Variants in RUNDC3B observed in about 807,000 individuals in gnomAD.
The protein encoded by RUNDC3B is RUN domain-containing protein 3B.
RUNDC3B carries 33 observed loss-of-function variants against 58.4 expected under a neutral mutation model. The observed-to-expected ratio is 0.56, with a 90% CI of 0.43 to 0.75. RUNDC3B has a LOEUF of 0.75. Among genes scored for constraint, RUNDC3B ranks in the 30% least tolerant of loss-of-function variants. The pLI is 0.00. For synonymous variants in RUNDC3B, 193 were observed against 195.2 expected, an observed-to-expected ratio of 0.99 and a Z score of 0.10; for missense variants, 501 against 535.7, an observed-to-expected ratio of 0.94 and a Z score of 0.64.
rs201089691 is a variant in RUNDC3B, at chr7:87,770,793, T to C, written c.798+44T>C. ...AACGTACTTAATTTTATTCTAGTTA[T>C]TGCCTTTGAACTGTGACTGCCAAAA... On this transcript the variant is annotated intron_variant, in intron 7 of 10. Transcript: ENST00000394654. 2.1e-5 allele frequency: 29 copies of C among 1,414,346 alleles called. No individual in the cohort carries two copies. In the East Asian group the frequency reaches 6.7e-4, roughly 32 times the overall value. The allele number at this position is 1,414,346 out of a possible 1,614,324, so 87.6% of individuals were successfully genotyped here. A position where few individuals can be genotyped will look rare whatever the true frequency, so the allele number is the denominator to read the frequency against.
intron 2 of RUNDC3B, among the ~76,000 whole-genome samples, chr7:87,683,283 T>C (rs1387609418): frequency 6.6e-6 from 1 of 152,232 alleles, no homozygotes; most frequent in Non-Finnish European, 1.5e-5. Context: ...TAAGGCTCTT[T>C]CACTTCCTTC....
At position 87,717,618 on chromosome 7, in the gene RUNDC3B, C is replaced by T. The variant is rs1472174436; in HGVS notation, c.458+6963C>T. 2.6e-5 allele frequency among the ~76,000 whole-genome samples: 4 copies of T among 151,776 alleles called. No homozygotes were observed. The East Asian group carries it at 5.8e-4, about 22-fold the overall frequency. On this transcript the variant is annotated intron_variant, in intron 4 of 10. Coordinates refer to ENST00000394654, the MANE Select transcript of RUNDC3B (RefSeq NM_001134405.2). ...AATTTCCTACAGAAATATAATTTGC[C>T]CAAATAGGCCCTACTATATGTAAAA...
At position 87,650,929 on chromosome 7, in the gene RUNDC3B, G is replaced by A. The variant is rs778523577; in HGVS notation, c.230G>A (p.Arg77Gln). The change falls in exon 2 of 11, where the codon CGG becomes CAG. Residue 77 changes from arginine (R) to glutamine (Q), a missense_variant. By Grantham distance (43) the Arg-to-Gln change is conservative (BLOSUM62 1). Transcript: ENST00000394654. ...AAILEQILSH[R>Q]LKGQVTWFGY... Reference sequence around the variant, plus strand: ...ATTTTGGAACAGATTTTAAGCCACCGGCTAAAAGGTAAAAGCACTAATGTA... The same window carrying A: ...ATTTTGGAACAGATTTTAAGCCACCAGCTAAAAGGTAAAAGCACTAATGTA... 3.7e-5 allele frequency: 59 copies of A among 1,588,128 alleles called. No individual in the cohort carries two copies. The highest frequency in any genetic ancestry group is 4.8e-5 in the Non-Finnish European group (55 of 1,157,168).
In RUNDC3B at chr7:87,773,309, C is replaced by T. The variant is rs6976428; in HGVS notation, c.798+2560C>T. ...CTGCACTCCAGCCTGGGCAACAGAG[C>T]GAGACTCCGTCTCAAAAAAAAAAAA... On this transcript the variant is annotated intron_variant, in intron 7 of 10. Transcript: ENST00000394654. Among the ~76,000 whole-genome samples, 910 of 128,752 alleles carry T rather than the reference C, an allele frequency of 7.1e-3. 3 individuals are homozygous for T. Among genetic ancestry groups the T allele is most frequent in the South Asian group, 0.015 (63 of 4,236 alleles). 84.5% of individuals were successfully genotyped at this position (128,752 alleles called of 152,430 possible).
chr7:87,812,475 G>A (rs1341256510), intron 9 of RUNDC3B, among the ~76,000 whole-genome samples: 9 of 152,140 alleles, frequency 5.9e-5, no homozygotes, highest in Non-Finnish European at 1.3e-4. Flanking sequence ...CAGGCATGGT[G>A]GCTGACACCT....
chr7:87,722,129 G>C (rs961109362), intron 4 of RUNDC3B, among the ~76,000 whole-genome samples: 8 of 149,964 alleles, frequency 5.3e-5, no homozygotes, highest in Non-Finnish European at 1.0e-4. Flanking sequence ...TTGATGTTTT[G>C]ATATATATTC....
At chr7:87,812,199 A>G (rs903142099) in intron 9 of RUNDC3B, among the ~76,000 whole-genome samples, 14 of 152,214 alleles carry the variant, frequency 9.2e-5, no homozygotes, top group African/African-American at 3.4e-4. Context: ...TTGATATCCA[A>G]TCTCATGTAT....
At chr7:87,804,599 A>C (rs1022854950) in intron 8 of RUNDC3B, among the ~76,000 whole-genome samples, 2 of 152,202 alleles carry the variant, frequency 1.3e-5, no homozygotes, top group African/African-American at 2.4e-5. Flanking sequence ...TGCTACTTTC[A>C]TAATAAATTA....
intron 2 of RUNDC3B, among the ~76,000 whole-genome samples, chr7:87,689,551 A>C (rs1054059215): frequency 6.6e-5 from 10 of 152,310 alleles, no homozygotes; most frequent in Admixed American, 6.5e-4. Context: ...ATTACTAATT[A>C]GCTAATTATT....
At chr7:87,683,630 G>T (rs1181056361) in intron 2 of RUNDC3B, among the ~76,000 whole-genome samples, 1 of 152,148 alleles carries the variant, frequency 6.6e-6, no homozygotes, top group Non-Finnish European at 1.5e-5. Flanking sequence ...TTTTATACAG[G>T]TGTGGTTCAT....
chr7:87,816,402 T>C lies in RUNDC3B; in HGVS notation c.1225+140T>C, dbSNP rs1178059126. The C allele has an allele frequency of 2.1e-5, 13 of 622,828 alleles. No individual in the cohort carries two copies. The African/African-American group carries it at 2.5e-4, about 12-fold the overall frequency. The allele number at this position is 622,828 out of a possible 1,614,324, so 38.6% of individuals were successfully genotyped here. ...AAGCAGCCATTATGATTAAAAATGG[T>C]CTGCCTTTGTGTCTTTCTCGTGTGT... On this transcript the variant is annotated intron_variant, in intron 10 of 10. Transcript: ENST00000394654.
At chr7:87,751,908 T>C (rs1356631092) in intron 6 of RUNDC3B, among the ~76,000 whole-genome samples, 4 of 152,154 alleles carry the variant, frequency 2.6e-5, no homozygotes, top group Non-Finnish European at 4.4e-5. Context: ...CTTCCAAAAC[T>C]ATGTTGAATA....
intron 6 of RUNDC3B, among the ~76,000 whole-genome samples, chr7:87,755,084 A>G (rs1010952830): frequency 2.6e-5 from 4 of 151,676 alleles, no homozygotes; most frequent in African/African-American, 7.3e-5. Context: ...GTGCAGTGCA[A>G]TGATCTCGGC....
chr7:87,819,676 C>T (rs1357973486), intron 10 of RUNDC3B, among the ~76,000 whole-genome samples: 3 of 152,074 alleles, frequency 2.0e-5, no homozygotes, highest in East Asian at 1.9e-4. Context: ...ACAGAAACTA[C>T]AACAAACTGT....
At chr7:87,642,195 T>A (rs1055449783) in intron 1 of RUNDC3B, among the ~76,000 whole-genome samples, 4 of 152,010 alleles carry the variant, frequency 2.6e-5, no homozygotes, top group African/African-American at 7.2e-5. Flanking sequence ...ATATATATAT[T>A]TTTAAAACTG....
intron 4 of RUNDC3B, among the ~76,000 whole-genome samples, chr7:87,717,401 G>A (rs1169064809): frequency 6.6e-6 from 1 of 151,972 alleles, no homozygotes; most frequent in Non-Finnish European, 1.5e-5. Context: ...TATCTAAATT[G>A]AGAAACACAT....
chr7:87,762,779 T>TA (rs1224714654), intron 6 of RUNDC3B, among the ~76,000 whole-genome samples: 1 of 151,390 alleles, frequency 6.6e-6, no homozygotes, highest in African/African-American at 2.4e-5. Flanking sequence ...GTCAATATAT[T>TA]AAAAATATAC....
At chr7:87,815,797 T>A (rs892150465) in intron 9 of RUNDC3B, among the ~76,000 whole-genome samples, 1 of 152,188 alleles carries the variant, frequency 6.6e-6, no homozygotes, top group African/African-American at 2.4e-5. Flanking sequence ...ATTTTATATC[T>A]TCATTAAGAG....
chr7:87,647,981 G>A (rs1584995452), intron 1 of RUNDC3B, among the ~76,000 whole-genome samples: 1 of 151,936 alleles, frequency 6.6e-6, no homozygotes, highest in African/African-American at 2.4e-5. Flanking sequence ...TCAAGAAATC[G>A]AGACCATCCT....
Sources: allele counts gnomAD v4.1 joint callset (sites outside exome capture counted in the v4.1 genomes callset), GRCh38; gene constraint gnomAD v4.1.1; transcripts MANE v1.5; gene names NCBI Gene and HGNC (gene_info 2026-07-23, HGNC 2026-07-21).